The following NAV1 variants were observed in gnomAD, a reference collection of about 807,000 sequenced individuals.
NAV1 encodes neuron navigator 1, also known as pore membrane and/or filament interacting like protein 3.
A neutral mutation model predicts 175.2 loss-of-function variants in NAV1; 18 were observed. The ratio of observed to expected loss-of-function variants is 0.10; its 90% confidence interval spans 0.07 to 0.15. NAV1 has a LOEUF of 0.15. Ranked by LOEUF, NAV1 falls within the 10% of genes least tolerant of loss-of-function variation. The pLI, the probability that NAV1 is intolerant of heterozygous loss-of-function variation, is 1.00. For synonymous variants in NAV1, 897 were observed against 978.7 expected (o/e 0.92, Z 1.56); for missense variants, 1,731 against 2,436.6 (o/e 0.71, Z 6.10).
intron 1 of NAV1, among the ~76,000 whole-genome samples, chr1:201,667,363 C>T (rs2102369630): frequency 6.6e-6 from 1 of 152,318 alleles, no homozygotes; most frequent in South Asian, 2.1e-4. Flanking sequence ...CAGATGTTCT[C>T]TGGAGCTGAT....
intron 1 of NAV1, among the ~76,000 whole-genome samples, chr1:201,544,798 T>A (rs138955157): frequency 8.4e-4 from 128 of 152,346 alleles, no homozygotes; most frequent in South Asian, 8.3e-3. Flanking sequence ...CTACCATGCA[T>A]CTGTCCCCAT....
rs1679559824 is a variant in NAV1 at position 201,824,458 on chromosome 1, ATATGGGGCCACCAGGGTG to A, written c.*4527_*4544del. 3.9e-5 allele frequency: 6 copies of A among 152,298 alleles called. No individual in the cohort carries two copies. The South Asian group carries it at 1.2e-3, about 32-fold the overall frequency. The allele number at this position is 152,298 out of a possible 1,614,324, so 9.4% of individuals were successfully genotyped here. A position where few individuals can be genotyped will look rare whatever the true frequency, so the allele number is the denominator to read the frequency against. On this transcript the variant is annotated 3_prime_UTR_variant, in exon 30 of 30. Coordinates refer to ENST00000367296, the Ensembl canonical transcript of NAV1. ...GTCCTGAATCAACCTGACTACGGAT[ATATGGGGCCACCAGGGTG>A]CATGGGTGCATGTCTGCTCAGCCTA...
Position 201,788,758 on chromosome 1 carries a change from T to G in NAV1, c.3166+120T>G, listed in dbSNP as rs1399309922. ...CATATATGATTCACAGAACATCAAG[T>G]TGGGCCATTTCAGTTTTTTCTCCCC... On this transcript the variant is annotated intron_variant, in intron 10 of 29. Transcript: ENST00000367296. This position sits in a 1 kb window ranked among gnomAD's most constrained non-coding sequence, Gnocchi z 5.7. 1 of 1,251,252 alleles carries G rather than the reference T, an allele frequency of 8.0e-7. No homozygotes were observed. 77.5% of individuals were successfully genotyped at this position (1,251,252 alleles called of 1,614,324 possible). A position where few individuals can be genotyped will look rare whatever the true frequency, so the allele number is the denominator to read the frequency against.
chr1:201,552,908 G>A (rs1248330913), intron 1 of NAV1, among the ~76,000 whole-genome samples: 3 of 152,146 alleles, frequency 2.0e-5, no homozygotes, highest in South Asian at 2.1e-4. Context: ...TCAGATGGAC[G>A]GGTGGAAGGG....
intron 1 of NAV1, chr1:201,688,463 A>G (rs552531366): frequency 6.6e-6 from 1 of 152,326 alleles, no homozygotes; most frequent in South Asian, 2.1e-4. Flanking sequence ...AGAAATGATA[A>G]TATTTCTCTG....
chr1:201,730,642 G>T (rs1478976680), intron 3 of NAV1, among the ~76,000 whole-genome samples: 1 of 152,198 alleles, frequency 6.6e-6, no homozygotes, highest in Non-Finnish European at 1.5e-5. Context: ...CCCCCTCCTG[G>T]AATGCCCTTA....
chr1:201,803,795 C>T (rs1678099149), intron 16 of NAV1, 81 bp downstream of exon 20: 1 of 1,522,962 alleles, frequency 6.6e-7, no homozygotes, highest in South Asian at 1.2e-5. Flanking sequence ...CGAATCCTTC[C>T]AGGATTAACC....
chr1:201,594,032 C>T (rs562272856), intron 2 of NAV1, among the ~76,000 whole-genome samples: 2 of 150,208 alleles, frequency 1.3e-5, no homozygotes, highest in South Asian at 2.1e-4. Context: ...CAGCCATGAG[C>T]TGAGAGCCAA....
At chr1:201,583,362 C>T (rs994832274) in intron 1 of NAV1, among the ~76,000 whole-genome samples, 1 of 152,262 alleles carries the variant, frequency 6.6e-6, no homozygotes, top group Non-Finnish European at 1.5e-5. Flanking sequence ...ACAAGCCAAC[C>T]CTTTTTCCCA....
intron 15 of NAV1, among the ~76,000 whole-genome samples, chr1:201,802,853 C>G (rs1678025914): frequency 6.6e-6 from 1 of 152,152 alleles, no homozygotes; most frequent in South Asian, 2.1e-4. Flanking sequence ...AATCTCCACC[C>G]TCACTTTTTT....
At chr1:201,630,589 CA>C (rs924561415) in intron 2 of NAV1, among the ~76,000 whole-genome samples, 10 of 152,182 alleles carry the variant, frequency 6.6e-5, no homozygotes, top group Non-Finnish European at 1.3e-4. Flanking sequence ...ATCTTGGAGC[CA>C]CTGCAACCCT....
Position 201,616,686 on chromosome 1 carries a change from C to T in NAV1, c.-32-6167C>T, listed in dbSNP as rs558865658. On this transcript the variant is annotated intron_variant, in intron 2 of 33. Transcript: ENST00000685211. The stretch of plus-strand genomic sequence containing the variant: ...ATTTTCAGTAGAGATGGGGTTTCTC[C>T]ATGTTGGTCAGGCTGGTCTCGAACT... 1.4e-4 allele frequency among the ~76,000 whole-genome samples: 22 copies of T among 152,302 alleles called. No homozygotes were observed. In the South Asian group the frequency reaches 4.1e-3, roughly 29 times the overall value.
chr1:201,630,330 A>G (rs1313191932), intron 2 of NAV1, among the ~76,000 whole-genome samples: 1 of 152,262 alleles, frequency 6.6e-6, no homozygotes, highest in Non-Finnish European at 1.5e-5. Flanking sequence ...ACTTGCCTCA[A>G]CAAAGTAATA....
chr1:201,544,484 C>T (rs539772541), intron 1 of NAV1, among the ~76,000 whole-genome samples: 5 of 152,320 alleles, frequency 3.3e-5, no homozygotes, highest in African/African-American at 1.2e-4. Context: ...ATTCCAGATA[C>T]ATCAAATCCC....
intron 2 of NAV1, among the ~76,000 whole-genome samples, chr1:201,640,584 C>G (rs1321742801): frequency 6.6e-6 from 1 of 152,196 alleles, no homozygotes; most frequent in East Asian, 1.9e-4. Flanking sequence ...GGGTCTCAGC[C>G]CTGAATGCCC....
chr1:201,735,026 C>T (rs1673051821), intron 3 of NAV1, among the ~76,000 whole-genome samples: 1 of 152,190 alleles, frequency 6.6e-6, no homozygotes, highest in Non-Finnish European at 1.5e-5. Context: ...CAGCTGGGAG[C>T]AGGACCCCTT....
chr1:201,659,461 T>A, intron 1 of NAV1, among the ~76,000 whole-genome samples: 1 of 151,786 alleles, frequency 6.6e-6, no homozygotes, highest in East Asian at 1.9e-4. Flanking sequence ...ACAAAAGAGG[T>A]TTTTAAAAAT....
At chr1:201,697,724 G>A (rs1232869117) in intron 1 of NAV1, among the ~76,000 whole-genome samples, 1 of 152,166 alleles carries the variant, frequency 6.6e-6, no homozygotes, top group African/African-American at 2.4e-5. Flanking sequence ...TATGCCAGCA[G>A]CCCAGTCACC....
chr1:201,718,907 T>C lies in NAV1; in HGVS notation c.1226+152T>C. ...AAGTGTGCTGTGTACACTTTGTGATTGCCTCTGAAATTCGATGTGGTTTAT... is the reference window on the plus strand; with the variant it reads ...AAGTGTGCTGTGTACACTTTGTGATCGCCTCTGAAATTCGATGTGGTTTAT... On this transcript the variant is annotated intron_variant, in intron 3 of 29. Transcript: ENST00000367296. This position sits in a 1 kb window ranked among gnomAD's most constrained non-coding sequence, Gnocchi z 4.8. 2 of 1,035,660 alleles carry C rather than the reference T, an allele frequency of 1.9e-6. No individual in the cohort carries two copies. The highest frequency in any genetic ancestry group is 3.3e-5 in the South Asian group (2 of 60,956). 64.2% of individuals were successfully genotyped at this position (1,035,660 alleles called of 1,614,324 possible). A position where few individuals can be genotyped will look rare whatever the true frequency, so the allele number is the denominator to read the frequency against.
Sources: gnomAD v4.1 joint callset for allele counts (sites outside exome capture counted in the v4.1 genomes callset) on GRCh38, gnomAD v4.1.1 for gene constraint, Gnocchi (gnomAD v3.1) non-coding constraint, MANE v1.5 for transcripts, NCBI Gene and HGNC (gene_info 2026-07-23, HGNC 2026-07-21) for gene names.